PCDHGA5: variants seen among roughly 807,000 people sequenced by gnomAD.
PCDHGA5 encodes the protein protocadherin gamma-A5.
A neutral mutation model predicts 56.7 loss-of-function variants in PCDHGA5; 36 were observed. The observed-to-expected ratio is 0.64, with a 90% confidence interval of 0.49 to 0.84. The LOEUF is 0.84. Ranked by LOEUF, PCDHGA5 falls within the 40% of genes least tolerant of loss-of-function variation. The pLI, the probability that PCDHGA5 is intolerant of heterozygous loss-of-function variation, is 0.00. For synonymous variants in PCDHGA5, 563 were observed against 520.2 expected (o/e 1.08, Z -1.12); for missense variants, 1,305 against 1,201.5 (o/e 1.09, Z -1.27).
chr5:141,404,683 GGCACCCCGCTCT>G (rs1306876302), intron 1 of PCDHGA5: 2 of 1,614,070 alleles, frequency 1.2e-6, no homozygotes, highest in Admixed American at 1.7e-5. Context: ...GTGTGGAGCT[GGCACCCCGCTCT>G]GCAGAGCCTG....
intron 1 of PCDHGA5, chr5:141,378,905 C>T (rs1043140389): frequency 1.3e-5 from 2 of 152,088 alleles, no homozygotes; most frequent in African/African-American, 4.8e-5. Context: ...ATTCTGTTAT[C>T]GACAGTCTTC....
chr5:141,485,632 G>T lies in PCDHGA5; in HGVS notation c.2422-9175G>T. The T allele has an allele frequency of 6.2e-7, 1 of 1,611,766 alleles. No homozygotes were observed. Among genetic ancestry groups the T allele is most frequent in the Non-Finnish European group, 8.5e-7 (1 of 1,178,342 alleles). The stretch of plus-strand genomic sequence containing the variant: ...CAGCTCCTCCAGGACAGCGTTTCCC[G>T]TTGGAAAAGGCTCAGGATGCAGATG... On this transcript the variant is annotated intron_variant, in intron 1 of 3. Coordinates refer to ENST00000518069, the MANE Select transcript of PCDHGA5 (RefSeq NM_018918.3). This position sits in a 1 kb window ranked among gnomAD's most constrained non-coding sequence, Gnocchi z 5.7.
At chr5:141,475,828 C>T (rs1319658902) in intron 1 of PCDHGA5, 1 of 387,614 alleles carries the variant, frequency 2.6e-6, no homozygotes, top group Admixed American at 4.3e-5. Context: ...GGCGCTAGCG[C>T]GTGTCCTGCT....
At chr5:141,473,270 T>C (rs538574742) in intron 1 of PCDHGA5, among the ~76,000 whole-genome samples, 4 of 152,326 alleles carry the variant, frequency 2.6e-5, no homozygotes, top group African/African-American at 9.6e-5. Context: ...GTGTATGCTA[T>C]GATTATTTTA....
At chr5:141,501,926 C>T (rs1388315216) in intron 2 of PCDHGA5, among the ~76,000 whole-genome samples, 1 of 152,126 alleles carries the variant, frequency 6.6e-6, no homozygotes, top group African/African-American at 2.4e-5. Flanking sequence ...AGCTTTGTTC[C>T]CTCAACACCA....
chr5:141,432,797 T>C lies in PCDHGA5; in HGVS notation c.2422-62010T>C, dbSNP rs1591218426. On this transcript the variant is annotated intron_variant, in intron 1 of 3. Coordinates refer to ENST00000518069, the MANE Select transcript of PCDHGA5 (RefSeq NM_018918.3). The surrounding 1 kb of genome is among the most constrained non-coding windows in gnomAD (Gnocchi z 6.0). The stretch of plus-strand genomic sequence containing the variant: ...CCTGGCGGACCTCGGCAGCCTCGAG[T>C]CTCCAGCTAACTCTGAAACCTCAGA... 2.5e-6 allele frequency: 4 copies of C among 1,613,752 alleles called. No individual in the cohort carries two copies. The highest frequency in any genetic ancestry group is 2.7e-5 in the African/African-American group (2 of 74,816).
In PCDHGA5 at chr5:141,487,406, C is replaced by T; in HGVS notation, c.2422-7401C>T. The T allele has an allele frequency of 6.2e-7, 1 of 1,614,200 alleles. No individual in the cohort carries two copies. The highest frequency in any genetic ancestry group is 8.5e-7 in the Non-Finnish European group (1 of 1,180,044). ...ATCTCGAAGGAGGGAGGGGCTTCCC[C>T]CTTCCAATGGGATCCTCCGAATCCA... On this transcript the variant is annotated intron_variant, in intron 1 of 3. Coordinates refer to ENST00000518069, the MANE Select transcript of PCDHGA5 (RefSeq NM_018918.3). The surrounding 1 kb of genome is among the most constrained non-coding windows in gnomAD (Gnocchi z 5.0).
Position 141,366,096 on chromosome 5 carries a change from C to T in PCDHGA5, c.1766C>T (p.Thr589Ile), listed in dbSNP as rs763995838. 2.5e-6 allele frequency: 4 copies of T among 1,614,226 alleles called. No individual in the cohort carries two copies. Among genetic ancestry groups the T allele is most frequent in the Non-Finnish European group, 3.4e-6 (4 of 1,180,040 alleles). Residue 589 changes from threonine to isoleucine, a missense_variant, in exon 1 of 4, where the codon ACC becomes ATC. Thr to Ile is a moderately conservative substitution (Grantham distance 89). Coordinates refer to ENST00000518069, the MANE Select transcript of PCDHGA5 (RefSeq NM_018918.3). Reference protein sequence around the residue: ...PRSAEPGYLVTKVVAVDKDSG... With the variant: ...PRSAEPGYLVIKVVAVDKDSG... ...TCCGCAGAACCTGGCTACCTGGTGACCAAGGTGGTAGCGGTGGACAAAGAT... is the reference window on the plus strand; with the variant it reads ...TCCGCAGAACCTGGCTACCTGGTGATCAAGGTGGTAGCGGTGGACAAAGAT...
At chr5:141,494,223 C>T (rs1435042163) in intron 1 of PCDHGA5, among the ~76,000 whole-genome samples, 2 of 152,192 alleles carry the variant, frequency 1.3e-5, no homozygotes, top group African/African-American at 4.8e-5. Context: ...TGGCATGACT[C>T]CTAAATTAAT....
Position 141,491,763 on chromosome 5 carries a change from T to A in PCDHGA5, c.2422-3044T>A. 1 of 1,570,222 alleles carries A rather than the reference T, an allele frequency of 6.4e-7. No individual in the cohort carries two copies. The highest frequency in any genetic ancestry group is 8.6e-7 in the Non-Finnish European group (1 of 1,159,286). On this transcript the variant is annotated intron_variant, in intron 1 of 3. Transcript: ENST00000518069. This position sits in a 1 kb window ranked among gnomAD's most constrained non-coding sequence, Gnocchi z 6.9. ...GCGGCACTGGAGAAGCCGCCCGTCC[T>A]CATAAGGGATTGAACTTGCATCCAC... is the stretch of plus-strand genomic sequence containing the variant.
rs1299607088 is a variant in PCDHGA5 at position 141,472,933 on chromosome 5, C to T, written c.2422-21874C>T. ...CCCAAGAGGAGGAGGTTGTGGTGAG[C>T]CAAGATTATGCCATTGCACTCCAGC... On this transcript the variant is annotated intron_variant, in intron 1 of 3. Coordinates refer to ENST00000518069, the MANE Select transcript of PCDHGA5 (RefSeq NM_018918.3). Among the ~76,000 whole-genome samples, 4 of 143,758 alleles carry T rather than the reference C, an allele frequency of 2.8e-5. No individual in the cohort carries two copies. In the Admixed American group the frequency reaches 2.9e-4, roughly 10 times the overall value. 94.3% of individuals were successfully genotyped at this position (143,758 alleles called of 152,430 possible). A position where few individuals can be genotyped will look rare whatever the true frequency, so the allele number is the denominator to read the frequency against.
intron 1 of PCDHGA5, chr5:141,478,291 C>T: frequency 1.9e-6 from 3 of 1,614,144 alleles, no homozygotes; most frequent in East Asian, 2.2e-5. Context: ...AGTCTAGAGA[C>T]CTATACCGAG....
chr5:141,492,723 C>T (rs896613323), intron 1 of PCDHGA5, among the ~76,000 whole-genome samples: 2 of 152,268 alleles, frequency 1.3e-5, no homozygotes, highest in African/African-American at 4.8e-5. Flanking sequence ...GGCGGACAGG[C>T]AGAGCTGCCC....
At chr5:141,438,159 T>TA (rs974013542) in intron 1 of PCDHGA5, among the ~76,000 whole-genome samples, 44 of 152,258 alleles carry the variant, frequency 2.9e-4, no homozygotes, top group African/African-American at 9.9e-4. Context: ...ATGGCAAAGC[T>TA]AATTGGAAAA....
intron 1 of PCDHGA5, chr5:141,416,359 A>G (rs1215806118): frequency 6.6e-6 from 1 of 152,228 alleles, no homozygotes; most frequent in Non-Finnish European, 1.5e-5. Flanking sequence ...TGAGGAGGCT[A>G]TAGAGGGTGA....
chr5:141,462,682 G>T (rs560423384), intron 1 of PCDHGA5, among the ~76,000 whole-genome samples: 2 of 151,790 alleles, frequency 1.3e-5, no homozygotes, highest in Non-Finnish European at 2.9e-5. Context: ...TTAAATTTTT[G>T]AGCACATTTA....
intron 2 of PCDHGA5, among the ~76,000 whole-genome samples, chr5:141,496,744 T>C (rs1383447795): frequency 6.6e-6 from 1 of 152,170 alleles, no homozygotes; most frequent in Non-Finnish European, 1.5e-5. Context: ...GTTCATTTAT[T>C]CAACAAATAT....
At chr5:141,445,838 A>T (rs1302150397) in intron 1 of PCDHGA5, among the ~76,000 whole-genome samples, 1 of 152,218 alleles carries the variant, frequency 6.6e-6, no homozygotes, top group South Asian at 2.1e-4. Flanking sequence ...GAGCCTTGTA[A>T]ATCACACTTA....
rs138463062 is a variant in PCDHGA5 at position 141,485,217 on chromosome 5, C to T, written c.2422-9590C>T. 7,893 of 1,614,092 alleles carry T rather than the reference C, an allele frequency of 4.9e-3. 42 individuals carry two copies. Among genetic ancestry groups the T allele is most frequent in the Admixed American group, 8.8e-3 (531 of 60,030 alleles). On this transcript the variant is annotated intron_variant, in intron 1 of 3. Coordinates refer to ENST00000518069, the MANE Select transcript of PCDHGA5 (RefSeq NM_018918.3). This position sits in a 1 kb window ranked among gnomAD's most constrained non-coding sequence, Gnocchi z 5.7. Reference sequence around the variant, plus strand: ...AGCTGGACAGAAATCTGGCGGTGGGCTACCCTTTTGTTCCTCTTTTACCAC... The same window carrying T: ...AGCTGGACAGAAATCTGGCGGTGGGTTACCCTTTTGTTCCTCTTTTACCAC...
Sources: allele counts gnomAD v4.1 joint callset (sites outside exome capture counted in the v4.1 genomes callset), GRCh38; gene constraint gnomAD v4.1.1; non-coding constraint Gnocchi (gnomAD v3.1); transcripts MANE v1.5; gene names NCBI Gene and HGNC (gene_info 2026-07-23, HGNC 2026-07-21).